SH3GL3: variants seen among roughly 807,000 people sequenced by gnomAD.
SH3GL3 encodes endophilin-A3.
In SH3GL3, 33 loss-of-function variants were observed where a neutral mutation model predicts 47.7. The ratio of observed to expected loss-of-function variants is 0.69; its 90% CI spans 0.52 to 0.92. The LOEUF is 0.92. Ranked by LOEUF, SH3GL3 falls within the 40% of genes least tolerant of loss-of-function variation. The pLI is 0.00. For missense variants in SH3GL3, 363 were observed against 417.8 expected, an observed-to-expected ratio of 0.87 and a Z score of 1.14; for synonymous variants, 155 against 148.8, an observed-to-expected ratio of 1.04 and a Z score of -0.30.
At chr15:83,585,759 C>T (rs1024157017) in intron 6 of SH3GL3, among the ~76,000 whole-genome samples, 4 of 152,226 alleles carry the variant, frequency 2.6e-5, no homozygotes, top group South Asian at 2.1e-4. Flanking sequence ...AAATGAAACC[C>T]GACAGGATTT....
chr15:83,484,913 CTTAAT>C (rs1460437826), intron 1 of SH3GL3, among the ~76,000 whole-genome samples: 2 of 152,098 alleles, frequency 1.3e-5, no homozygotes, highest in African/African-American at 4.8e-5. Context: ...AACAATGTGT[CTTAAT>C]TTAGTAGTTT....
chr15:83,484,705 A>C (rs966594460), intron 1 of SH3GL3, among the ~76,000 whole-genome samples: 2 of 152,108 alleles, frequency 1.3e-5, no homozygotes, highest in African/African-American at 4.8e-5. Flanking sequence ...GTCTCTCTTC[A>C]TAATCCTGTT....
Position 83,559,313 on chromosome 15 carries a change from A to T in SH3GL3, c.106A>T (p.Met36Leu). Residue 36 changes from methionine (M) to leucine (L), a missense_variant, in exon 2 of 9, where the codon ATG (methionine) becomes TTG (leucine). By Grantham distance (15) the Met-to-Leu change is conservative (BLOSUM62 2). Coordinates refer to ENST00000427482, the MANE Select transcript of SH3GL3 (RefSeq NM_003027.5). ...TAAACTAGACGATGAATTTCTTGAC[A>T]TGGAAAGGGTAAGAGCATTTTAATA... ...GTKLDDEFLD[M>L]ERKIDVTNKV... 6.4e-7 allele frequency: 1 copy of T among 1,573,018 alleles called. No individual in the cohort carries two copies. Among genetic ancestry groups the T allele is most frequent in the East Asian group, 2.2e-5 (1 of 44,652 alleles).
chr15:83,480,725 C>G (rs2041310027), intron 1 of SH3GL3, among the ~76,000 whole-genome samples: 3 of 152,186 alleles, frequency 2.0e-5, no homozygotes, highest in Admixed American at 2.0e-4. Flanking sequence ...TACAGAATAA[C>G]AACTATTTAT....
chr15:83,567,090 A>G (rs1451975875), intron 3 of SH3GL3, among the ~76,000 whole-genome samples: 2 of 152,204 alleles, frequency 1.3e-5, no homozygotes, highest in African/African-American at 2.4e-5. Context: ...TCTCTCACCT[A>G]CAGGATGAAA....
At position 83,512,800 on chromosome 15, in the gene SH3GL3, C is replaced by T. The variant is rs566401643; in HGVS notation, c.46-46453C>T. ...CTGCCACCTCCCTCCCTCCCTCTCCCTATCAGCTTCCTCCGGATGAGGTGC... is the reference window on the plus strand; with the variant it reads ...CTGCCACCTCCCTCCCTCCCTCTCCTTATCAGCTTCCTCCGGATGAGGTGC... On this transcript the variant is annotated intron_variant, in intron 1 of 8. Coordinates refer to ENST00000427482, the MANE Select transcript of SH3GL3 (RefSeq NM_003027.5). Among the ~76,000 whole-genome samples, 104 of 152,236 alleles carry T rather than the reference C, an allele frequency of 6.8e-4. 1 individual carries two copies. The highest frequency in any genetic ancestry group is 2.4e-3 in the African/African-American group (101 of 41,536).
At chr15:83,517,611 A>G (rs1406471452) in intron 1 of SH3GL3, among the ~76,000 whole-genome samples, 1 of 152,124 alleles carries the variant, frequency 6.6e-6, no homozygotes, top group Non-Finnish European at 1.5e-5. Context: ...AGGTCTGCCC[A>G]ACTATTTTGT....
intron 1 of SH3GL3, among the ~76,000 whole-genome samples, chr15:83,522,095 A>C (rs2043228773): frequency 6.6e-6 from 1 of 151,926 alleles, no homozygotes; most frequent in Non-Finnish European, 1.5e-5. Context: ...TGAGTCTGGA[A>C]CTCTTGGGTG....
chr15:83,462,548 C>G (rs1014219158), intron 1 of SH3GL3, among the ~76,000 whole-genome samples: 21 of 152,156 alleles, frequency 1.4e-4, no homozygotes, highest in African/African-American at 4.3e-4. Context: ...CAAGTCTTAC[C>G]CAGTTTCTCC....
chr15:83,484,069 T>C (rs1488115286), intron 1 of SH3GL3, among the ~76,000 whole-genome samples: 1 of 152,232 alleles, frequency 6.6e-6, no homozygotes, highest in East Asian at 1.9e-4. Context: ...GCTTCAGTGT[T>C]TACGAGGCTC....
chr15:83,576,871 A>G, intron 6 of SH3GL3, 130 bp downstream of exon 6: 2 of 530,570 alleles, frequency 3.8e-6, no homozygotes. Flanking sequence ...GGCCACACAT[A>G]AAATACACTA....
chr15:83,588,255 C>T (rs376442262), intron 7 of SH3GL3, among the ~76,000 whole-genome samples: 22 of 152,226 alleles, frequency 1.4e-4, no homozygotes, highest in African/African-American at 5.1e-4. Flanking sequence ...CTAAGCCTCC[C>T]GAGTAGCTGG....
intron 1 of SH3GL3, among the ~76,000 whole-genome samples, chr15:83,523,961 A>C (rs1283097693): frequency 2.0e-5 from 3 of 152,086 alleles, no homozygotes; most frequent in East Asian, 3.8e-4. Context: ...AAAAAAAAAA[A>C]AAAAAACAGA....
At chr15:83,580,021 C>A (rs1008199756) in intron 6 of SH3GL3, among the ~76,000 whole-genome samples, 4 of 152,184 alleles carry the variant, frequency 2.6e-5, no homozygotes, top group African/African-American at 9.7e-5. Context: ...AGACAAAATG[C>A]CAATACATGG....
chr15:83,561,954 C>T (rs2045294736), intron 2 of SH3GL3, among the ~76,000 whole-genome samples: 1 of 150,790 alleles, frequency 6.6e-6, no homozygotes, highest in Non-Finnish European at 1.5e-5. Context: ...TACCATTCTG[C>T]TTCCCTCTAT....
At chr15:83,463,711 T>C (rs543543097) in intron 1 of SH3GL3, among the ~76,000 whole-genome samples, 2 of 152,000 alleles carry the variant, frequency 1.3e-5, no homozygotes, top group South Asian at 4.2e-4. Flanking sequence ...TTCACCCCTG[T>C]CCTATTTAAA....
At chr15:83,625,187 G>A in the SH3GL3 span, among the ~76,000 whole-genome samples, 1 of 152,132 alleles carries the variant, frequency 6.6e-6, no homozygotes, top group African/African-American at 2.4e-5. Flanking sequence ...GAGAAGCTGT[G>A]TTATTTACTT....
chr15:83,546,303 C>T (rs943046644), intron 1 of SH3GL3, among the ~76,000 whole-genome samples: 2 of 151,910 alleles, frequency 1.3e-5, no homozygotes, highest in Non-Finnish European at 2.9e-5. Flanking sequence ...TCTGCCCAGA[C>T]AATCACTGCC....
At chr15:83,513,469 A>G (rs2042855660) in intron 1 of SH3GL3, among the ~76,000 whole-genome samples, 1 of 152,118 alleles carries the variant, frequency 6.6e-6, no homozygotes, top group Non-Finnish European at 1.5e-5. Flanking sequence ...GGACATCTGC[A>G]TCCTGTGGTG....
Sources: gnomAD v4.1 joint callset for allele counts (sites outside exome capture counted in the v4.1 genomes callset) on GRCh38, gnomAD v4.1.1 for gene constraint, MANE v1.5 for transcripts, NCBI Gene and HGNC (gene_info 2026-07-23, HGNC 2026-07-21) for gene names.